NF1: variants seen among roughly 807,000 people sequenced by gnomAD.
NF1 encodes the protein neurofibromin.
Under a neutral mutation model 325.7 loss-of-function variants are expected in NF1, and 122 were observed. The ratio of observed to expected loss-of-function variants is 0.37; its 90% confidence interval spans 0.32 to 0.44. NF1 has a LOEUF of 0.44. NF1 is among the 20% of genes least tolerant of loss of function. The pLI is 1.00. For synonymous variants in NF1, 1,091 were observed against 1,186.0 expected (o/e 0.92, Z 1.65); for missense variants, 2,140 against 3,415.4 (o/e 0.63, Z 9.31).
chr17:31,113,656 A>G (rs1177351359), intron 1 of NF1, among the ~76,000 whole-genome samples: 4 of 152,058 alleles, frequency 2.6e-5, no homozygotes, highest in African/African-American at 9.7e-5. Context: ...CAGCTTCCTC[A>G]GTAGCTGGGA....
chr17:31,226,738 C>T (rs1202669874), intron 18 of NF1, 54 bp downstream of exon 18: 2 of 1,608,492 alleles, frequency 1.2e-6, no homozygotes, highest in Non-Finnish European at 1.7e-6. Context: ...CACATGGCAT[C>T]TGATTTTGAG....
chr17:31,107,849 C>T (rs1335805711), intron 1 of NF1, among the ~76,000 whole-genome samples: 1 of 152,146 alleles, frequency 6.6e-6, no homozygotes, highest in Admixed American at 6.5e-5. Flanking sequence ...TTTAAAAATG[C>T]TGAGCTTGCT....
At chr17:31,230,150 T>C (rs1442144637) in intron 22 of NF1, 110 bp from the exon 23 acceptor site, 4 of 1,434,918 alleles carry the variant, frequency 2.8e-6, no homozygotes, top group Non-Finnish European at 3.9e-6. Flanking sequence ...AAATATCTTA[T>C]TGTTTTCAAA....
chr17:31,114,805 G>C (rs552790755), intron 1 of NF1, among the ~76,000 whole-genome samples: 1 of 152,214 alleles, frequency 6.6e-6, no homozygotes, highest in East Asian at 1.9e-4. Flanking sequence ...AGTGAGCCAA[G>C]ATCACACCAC....
intron 36 of NF1, chr17:31,295,354 G>A: frequency 6.2e-7 from 1 of 1,614,122 alleles, no homozygotes; most frequent in Non-Finnish European, 8.5e-7. Context: ...CCTTATCAGT[G>A]CTAGTAAAGG....
At chr17:31,128,979 A>G (rs895838697) in intron 1 of NF1, among the ~76,000 whole-genome samples, 2 of 150,902 alleles carry the variant, frequency 1.3e-5, no homozygotes, top group African/African-American at 2.4e-5. Flanking sequence ...TCTGACTTGT[A>G]TAGTTTCTAC....
At chr17:31,331,904 T>TAAAAAAAAAAAAAA (rs755592420) in intron 39 of NF1, 1 of 42,882 alleles carries the variant, frequency 2.3e-5, no homozygotes, top group African/African-American at 1.3e-4. Flanking sequence ...CCTTCTCTAT[T>TAAAAAAAAAAAAAA]AAAAAAAAAA....
In NF1 at chr17:31,200,602, T is replaced by A. The variant is rs979521240; in HGVS notation, c.1062+7T>A. On this transcript the variant is annotated splice_region_variant and intron_variant, in intron 9 of 57. Coordinates refer to ENST00000358273, the MANE Select transcript of NF1 (RefSeq NM_001042492.3). ...CATGGTGGTTGATCTTAAGGTAACA[T>A]GCTTATTCTTTCTCTACTACAAACT... 1 of 1,613,830 alleles carries A rather than the reference T, an allele frequency of 6.2e-7. No individual in the cohort carries two copies. The highest frequency in any genetic ancestry group is 8.5e-7 in the Non-Finnish European group (1 of 1,179,736).
chr17:31,292,788 C>CTA (rs1176330767), intron 36 of NF1, among the ~76,000 whole-genome samples: 1 of 152,140 alleles, frequency 6.6e-6, no homozygotes, highest in East Asian at 1.9e-4. Flanking sequence ...ATGCAGTAGT[C>CTA]TATAATTTGA....
At position 31,214,424 on chromosome 17, in the gene NF1, G is replaced by A. The variant is rs1189038744; in HGVS notation, c.1393-27G>A. On this transcript the variant is annotated intron_variant, in intron 12 of 57. Coordinates refer to ENST00000358273, the MANE Select transcript of NF1 (RefSeq NM_001042492.3). ...AGCTATTATCCTGAGTCTTATGTCT[G>A]ATACCATGTTTTTGTTTTGTTTTTA... is the stretch of plus-strand genomic sequence containing the variant. 2.6e-6 allele frequency: 4 copies of A among 1,558,824 alleles called. No homozygotes were observed. The African/African-American group carries it at 5.4e-5, about 21-fold the overall frequency.
chr17:31,306,696 A>G (rs1373135303), intron 36 of NF1, among the ~76,000 whole-genome samples: 1 of 152,088 alleles, frequency 6.6e-6, no homozygotes, highest in Non-Finnish European at 1.5e-5. Flanking sequence ...AATCTGGTGG[A>G]GTAAATTCAA....
chr17:31,233,929 C>G (rs750089736), intron 27 of NF1, among the ~76,000 whole-genome samples: 3 of 152,198 alleles, frequency 2.0e-5, no homozygotes, highest in Non-Finnish European at 4.4e-5. Context: ...CTACAAGGCT[C>G]TACCTGATCT....
intron 54 of NF1, chr17:31,358,018 T>G: frequency 5.5e-6 from 1 of 180,852 alleles, no homozygotes; most frequent in East Asian, 1.6e-4. Flanking sequence ...CTTTCCCTAT[T>G]TGATCTGACT....
At chr17:31,295,959 G>A (rs2068455872) in intron 36 of NF1, 1 of 1,614,000 alleles carries the variant, frequency 6.2e-7, no homozygotes, top group South Asian at 1.1e-5. Flanking sequence ...AGATATTTAA[G>A]ATTCCACTGA....
At chr17:31,233,954 C>T (rs2067157715) in intron 27 of NF1, among the ~76,000 whole-genome samples, 4 of 152,204 alleles carry the variant, frequency 2.6e-5, no homozygotes, top group African/African-American at 9.6e-5. Flanking sequence ...CCTACCTCAT[C>T]TCTAACATCA....
intron 57 of NF1, chr17:31,362,245 C>A: frequency 1.1e-6 from 1 of 923,686 alleles, no homozygotes; most frequent in Non-Finnish European, 1.3e-6. Context: ...AGCATTTCAG[C>A]TGTGAAGGCC....
chr17:31,258,963 G>C, intron 32 of NF1, 69 bp from the exon 33 acceptor site: 1 of 1,004,960 alleles, frequency 1.0e-6, no homozygotes, highest in Non-Finnish European at 1.5e-6. Context: ...TGTTTTTAAA[G>C]AATGTCTTAA....
intron 1 of NF1, among the ~76,000 whole-genome samples, chr17:31,099,189 A>G (rs763162511): frequency 6.6e-6 from 1 of 152,162 alleles, no homozygotes; most frequent in Non-Finnish European, 1.5e-5. Flanking sequence ...GCAGAAATGC[A>G]TTTCTAGCCA....
At position 31,187,168 on chromosome 17, in the gene NF1, C is replaced by A. The variant is rs28887568; in HGVS notation, c.888+4503C>A. On this transcript the variant is annotated intron_variant, in intron 8 of 57. Coordinates refer to ENST00000358273, the MANE Select transcript of NF1 (RefSeq NM_001042492.3). ...CTCACTTTACAGCTAAAGAAGTGTGCCAGTGGGCTCATGCTCATGGAATTC... is the reference window on the plus strand; with the variant it reads ...CTCACTTTACAGCTAAAGAAGTGTGACAGTGGGCTCATGCTCATGGAATTC... Among the ~76,000 whole-genome samples the A allele has an allele frequency of 7.6e-3, 1,162 of 152,164 alleles. 19 individuals are homozygous for A. The highest frequency in any genetic ancestry group is 0.027 in the African/African-American group (1,118 of 41,504).
Sources: allele counts gnomAD v4.1 joint callset (sites outside exome capture counted in the v4.1 genomes callset), GRCh38; gene constraint gnomAD v4.1.1; transcripts MANE v1.5; gene names NCBI Gene and HGNC (gene_info 2026-07-23, HGNC 2026-07-21).